C12orf42: variants seen among roughly 807,000 people sequenced by gnomAD.
C12orf42 encodes the protein chromosome 12 open reading frame 42.
Under a neutral mutation model 21.6 loss-of-function variants are expected in C12orf42, and 25 were observed. The observed-to-expected ratio is 1.16, with a 90% CI of 0.84 to 1.62. The LOEUF (loss-of-function observed/expected upper bound fraction) is 1.62, where lower values mean the gene tolerates loss of function less well. Among genes scored for constraint, C12orf42 ranks in the 40% most tolerant of loss-of-function variants. The pLI, the probability that C12orf42 is intolerant of heterozygous loss-of-function variation, is 0.00. For synonymous variants in C12orf42, 174 were observed against 175.0 expected (o/e 0.99, Z 0.05); for missense variants, 483 against 459.3 (o/e 1.05, Z -0.47).
the C12orf42 span, among the ~76,000 whole-genome samples, chr12:103,062,297 G>A: frequency 6.6e-6 from 1 of 151,258 alleles, no homozygotes; most frequent in African/African-American, 2.4e-5. Flanking sequence ...GCTTAAAGAA[G>A]GACTTGATTA....
At chr12:103,408,571 T>C (rs1302960534) in intron 2 of C12orf42, among the ~76,000 whole-genome samples, 1 of 152,196 alleles carries the variant, frequency 6.6e-6, no homozygotes, top group South Asian at 2.1e-4. Context: ...CAAATTTGAA[T>C]AAAATAACTT....
the C12orf42 span, among the ~76,000 whole-genome samples, chr12:103,551,733 C>A: frequency 6.6e-6 from 1 of 152,154 alleles, no homozygotes; most frequent in Non-Finnish European, 1.5e-5. Flanking sequence ...AGGAGAATCA[C>A]TTGAACCCAG....
At chr12:103,540,026 T>G in the C12orf42 span, among the ~76,000 whole-genome samples, 4 of 151,734 alleles carry the variant, frequency 2.6e-5, no homozygotes, top group Non-Finnish European at 5.9e-5. Flanking sequence ...TGTTTTTGTT[T>G]CTTGAGACAG....
chr12:103,355,028 T>C (rs1387001448), intron 4 of C12orf42, among the ~76,000 whole-genome samples: 2 of 152,138 alleles, frequency 1.3e-5, no homozygotes, highest in African/African-American at 4.8e-5. Flanking sequence ...CTCAAATATG[T>C]GCGATTACTA....
At chr12:103,277,247 G>T (rs2035824627) in intron 4 of C12orf42, 1 of 427,654 alleles carries the variant, frequency 2.3e-6, no homozygotes, top group Non-Finnish European at 4.7e-6. Context: ...GGGATAGAAA[G>T]AATAACTGTA....
intron 4 of C12orf42, among the ~76,000 whole-genome samples, chr12:103,293,003 T>C (rs2036921988): frequency 6.6e-6 from 1 of 152,074 alleles, no homozygotes; most frequent in Non-Finnish European, 1.5e-5. Flanking sequence ...TAGAATTCAT[T>C]GAAGTGAATT....
chr12:103,505,125 T>C, the C12orf42 span, among the ~76,000 whole-genome samples: 1 of 152,218 alleles, frequency 6.6e-6, no homozygotes, highest in Non-Finnish European at 1.5e-5. Flanking sequence ...AAAAAGAAGA[T>C]GGAATTCTCT....
chr12:103,274,896 T>C (rs1409885640), intron 5 of C12orf42, among the ~76,000 whole-genome samples: 1 of 152,178 alleles, frequency 6.6e-6, no homozygotes, highest in Non-Finnish European at 1.5e-5. Flanking sequence ...TCCTAACTGA[T>C]ATGCCAGAAT....
downstream of C12orf42, among the ~76,000 whole-genome samples, chr12:103,234,462 G>GA (rs144395921): frequency 3.6e-3 from 544 of 151,954 alleles, 8 homozygotes; most frequent in East Asian, 0.05. Context: ...TATATTCATT[G>GA]AAAAAAAATT....
At chr12:103,321,266 G>T (rs2040073885) in intron 4 of C12orf42, among the ~76,000 whole-genome samples, 1 of 151,542 alleles carries the variant, frequency 6.6e-6, no homozygotes, top group Non-Finnish European at 1.5e-5. Context: ...ATGAAAAAAT[G>T]CTCATCATCA....
At chr12:103,063,712 T>G in the C12orf42 span, among the ~76,000 whole-genome samples, 1 of 152,148 alleles carries the variant, frequency 6.6e-6, no homozygotes, top group African/African-American at 2.4e-5. Context: ...ACAACTAGAC[T>G]AAAGTCCCAG....
At chr12:103,065,124 T>C in the C12orf42 span, among the ~76,000 whole-genome samples, 20 of 152,300 alleles carry the variant, frequency 1.3e-4, no homozygotes, top group South Asian at 3.9e-3. Context: ...CCTGGAGGGA[T>C]TGCAGAGACT....
At chr12:103,464,270 C>T (rs1447682250) in intron 2 of C12orf42, among the ~76,000 whole-genome samples, 2 of 152,186 alleles carry the variant, frequency 1.3e-5, no homozygotes, top group African/African-American at 4.8e-5. Context: ...GCCATTCTGA[C>T]TGGCATAAGA....
intron 4 of C12orf42, among the ~76,000 whole-genome samples, chr12:103,335,067 T>G (rs1040605778): frequency 2.0e-5 from 3 of 152,240 alleles, no homozygotes; most frequent in Non-Finnish European, 4.4e-5. Flanking sequence ...CTGTGTTTTA[T>G]GAGAGGCTGG....
At position 103,353,694 on chromosome 12, in the gene C12orf42, C is replaced by T. The variant is rs76457825; in HGVS notation, c.259+15193G>A. Among the ~76,000 whole-genome samples the T allele has an allele frequency of 3.3e-3, 506 of 152,268 alleles. 3 individuals are homozygous for T. Among genetic ancestry groups the T allele is most frequent in the Middle Eastern group, 0.01 (3 of 294 alleles). On this transcript the variant is annotated intron_variant, in intron 4 of 5. Coordinates refer to ENST00000548883, the MANE Select transcript of C12orf42 (RefSeq NM_198521.5). ...ACAGCTAAAAACTACCCCCCAAATGCAAATTTCTGTCAACCCATGAAAAGT... is the reference window on the plus strand; with the variant it reads ...ACAGCTAAAAACTACCCCCCAAATGTAAATTTCTGTCAACCCATGAAAAGT...
At chr12:103,207,612 A>G in the C12orf42 span, among the ~76,000 whole-genome samples, 1 of 152,334 alleles carries the variant, frequency 6.6e-6, no homozygotes, top group African/African-American at 2.4e-5. Flanking sequence ...TTGCTGGAAA[A>G]CGACTCTGCT....
chr12:103,267,802 G>A (rs1490924983), downstream of C12orf42: 2 of 152,214 alleles, frequency 1.3e-5, no homozygotes, highest in Non-Finnish European at 2.9e-5. Flanking sequence ...AACAGGAAGA[G>A]AGGAAGTAGA....
At chr12:103,109,932 A>G in the C12orf42 span, among the ~76,000 whole-genome samples, 1 of 152,208 alleles carries the variant, frequency 6.6e-6, no homozygotes, top group Non-Finnish European at 1.5e-5. Flanking sequence ...AATATCAAAA[A>G]ACGTCAATAG....
At chr12:103,094,177 C>T in the C12orf42 span, among the ~76,000 whole-genome samples, 1 of 152,182 alleles carries the variant, frequency 6.6e-6, no homozygotes, top group East Asian at 1.9e-4. Context: ...TATGCCATTA[C>T]ATCCTTGGTT....
Sources: allele counts gnomAD v4.1 joint callset (sites outside exome capture counted in the v4.1 genomes callset), GRCh38; gene constraint gnomAD v4.1.1; transcripts MANE v1.5; gene names NCBI Gene and HGNC (gene_info 2026-07-23, HGNC 2026-07-21).